The following DMXL2 variants were observed in gnomAD, a reference collection of about 807,000 sequenced individuals.
The protein encoded by DMXL2 is dmX-like protein 2.
In DMXL2, 103 loss-of-function variants were observed where a neutral mutation model predicts 331.1. That is an observed-to-expected ratio of 0.31 (90% CI 0.27 to 0.37). The LOEUF (loss-of-function observed/expected upper bound fraction) is 0.37. Ranked by LOEUF, DMXL2 falls within the 10% of genes least tolerant of loss-of-function variation. DMXL2 has a pLI of 1.00. For synonymous variants in DMXL2, 1,281 were observed against 1,252.1 expected, an observed-to-expected ratio of 1.02 and a Z score of -0.49; for missense variants, 3,171 against 3,642.9, an observed-to-expected ratio of 0.87 and a Z score of 3.33.
rs1164353967 is a variant in DMXL2 at position 51,451,710 on chromosome 15, C to T, written c.8697-13G>A. On this transcript the variant is annotated splice_polypyrimidine_tract_variant and intron_variant, in intron 41 of 43. Coordinates refer to ENST00000560891, the MANE Select transcript of DMXL2 (RefSeq NM_001378457.1). ...GAGGCAAACATTTCTTTTAAAGAAACACAATAACAAAAATACATCATAAAT... is the reference window on the plus strand; with the variant it reads ...GAGGCAAACATTTCTTTTAAAGAAATACAATAACAAAAATACATCATAAAT... 1 of 1,605,674 alleles carries T rather than the reference C, an allele frequency of 6.2e-7. No homozygotes were observed. Among genetic ancestry groups the T allele is most frequent in the African/African-American group, 1.3e-5 (1 of 74,704 alleles).
chr15:51,567,867 T>TG (rs895899456), intron 3 of DMXL2: 1 of 152,430 alleles, frequency 6.6e-6, no homozygotes, highest in Non-Finnish European at 1.5e-5. Flanking sequence ...GAGGATCACT[T>TG]AGCCCCAGAG....
At chr15:51,582,893 C>A (rs2051540000) in intron 1 of DMXL2, among the ~76,000 whole-genome samples, 1 of 151,192 alleles carries the variant, frequency 6.6e-6, no homozygotes, top group Non-Finnish European at 1.5e-5. Flanking sequence ...CCCTTCTTAC[C>A]CCTCCCCTCC....
chr15:51,511,223 C>A lies in DMXL2; in HGVS notation c.2644+3219G>T, dbSNP rs558338412. 3.7e-3 allele frequency among the ~76,000 whole-genome samples: 562 copies of A among 152,252 alleles called. 6 individuals are homozygous for A. Among genetic ancestry groups the A allele is most frequent in the African/African-American group, 0.013 (538 of 41,536 alleles). On this transcript the variant is annotated intron_variant, in intron 15 of 43. Transcript: ENST00000560891. ...CTAATTAAACTAAAGAGCTTCTGCA[C>A]AGCAAAAGAAACTATCACCAGAATA...
At chr15:51,498,213 T>C (rs2043321226) in intron 18 of DMXL2, among the ~76,000 whole-genome samples, 1 of 151,966 alleles carries the variant, frequency 6.6e-6, no homozygotes, top group Admixed American at 6.6e-5. Flanking sequence ...CAACTCCAGC[T>C]TGGGCAACAG....
intron 1 of DMXL2, among the ~76,000 whole-genome samples, chr15:51,607,620 T>C (rs1242660367): frequency 6.6e-6 from 1 of 152,182 alleles, no homozygotes; most frequent in Non-Finnish European, 1.5e-5. Context: ...TGATGAAAGA[T>C]ATTAATTTAC....
At position 51,495,086 on chromosome 15, in the gene DMXL2, C is replaced by A. The variant is rs774865945; in HGVS notation, c.4721G>T (p.Arg1574Leu). 2 of 1,613,178 alleles carry A rather than the reference C, an allele frequency of 1.2e-6. No individual in the cohort carries two copies. Among genetic ancestry groups the A allele is most frequent in the Non-Finnish European group, 1.7e-6 (2 of 1,179,380 alleles). Residue 1574 changes from arginine (R) to leucine (L), a missense_variant, in exon 19 of 44, where the codon CGC becomes CTC. By Grantham distance (102) the Arg-to-Leu change is moderately radical (BLOSUM62 -2). Coordinates refer to ENST00000560891, the MANE Select transcript of DMXL2 (RefSeq NM_001378457.1). The part of the protein sequence containing the change: ...ECGLRYLLAM[R>L]LHTCLLTSLP... The stretch of plus-strand genomic sequence containing the variant: ...CGATGTCAAAAGGCATGTGTGTAGG[C>A]GCATAGCTAACAAGTATCTCAAACC...
At chr15:51,605,373 G>T (rs1344588694) in intron 1 of DMXL2, among the ~76,000 whole-genome samples, 1 of 151,708 alleles carries the variant, frequency 6.6e-6, no homozygotes, top group Non-Finnish European at 1.5e-5. Context: ...GCTAATTTTT[G>T]TATTTTTAGT....
intron 13 of DMXL2, among the ~76,000 whole-genome samples, chr15:51,531,018 A>G (rs1739789785): frequency 6.6e-6 from 1 of 152,224 alleles, no homozygotes. Flanking sequence ...TTCTTTATAG[A>G]AATTTTTTAA....
chr15:51,589,978 T>C (rs2052166956), intron 1 of DMXL2, among the ~76,000 whole-genome samples: 1 of 152,152 alleles, frequency 6.6e-6, no homozygotes, highest in African/African-American at 2.4e-5. Context: ...ATAGAAAAAT[T>C]ATGCTTTATC....
At chr15:51,576,656 A>G (rs1399973256) in intron 1 of DMXL2, among the ~76,000 whole-genome samples, 2 of 152,206 alleles carry the variant, frequency 1.3e-5, no homozygotes, top group Non-Finnish European at 2.9e-5. Flanking sequence ...AGCTAGTTAA[A>G]TAAACATGAA....
intron 1 of DMXL2, among the ~76,000 whole-genome samples, chr15:51,599,175 A>G (rs1489924451): frequency 6.6e-6 from 1 of 152,236 alleles, no homozygotes; most frequent in Non-Finnish European, 1.5e-5. Flanking sequence ...ATGACATGCT[A>G]TGACCATTCT....
rs2041909795 is a variant in DMXL2, at chr15:51,480,226, G to A, written c.6565-87C>T. 3 of 1,288,224 alleles carry A rather than the reference G, an allele frequency of 2.3e-6. No homozygotes were observed. In the East Asian group the frequency reaches 7.1e-5, roughly 30 times the overall value. 79.8% of individuals were successfully genotyped at this position (1,288,224 alleles called of 1,614,324 possible). ...CAGAAATACTGGTGATAAACATTGT[G>A]TAAAGGGAATATGTTCGCTCACTCA... On this transcript the variant is annotated intron_variant, in intron 24 of 43. Coordinates refer to ENST00000560891, the MANE Select transcript of DMXL2 (RefSeq NM_001378457.1).
At chr15:51,502,091 G>A (rs1413690868) in intron 17 of DMXL2, among the ~76,000 whole-genome samples, 1 of 151,442 alleles carries the variant, frequency 6.6e-6, no homozygotes, top group African/African-American at 2.4e-5. Flanking sequence ...AATTAGCTGG[G>A]CATGGTGGTG....
intron 18 of DMXL2, 31 bp downstream of exon 18, chr15:51,498,521 A>T (rs771320390): frequency 6.3e-7 from 1 of 1,581,388 alleles, no homozygotes; most frequent in Non-Finnish European, 8.6e-7. Flanking sequence ...TATTAGGTAC[A>T]ACTTTATAAA....
chr15:51,453,558 A>G lies in DMXL2; in HGVS notation c.8688T>C (p.Asn2896=). The change falls in exon 41 of 44, where the codon AAT becomes AAC. Residue 2896 remains asparagine, a synonymous_variant. Coordinates refer to ENST00000560891, the MANE Select transcript of DMXL2 (RefSeq NM_001378457.1). The part of the protein sequence containing the change: ...SSLVATSGHS[N]DNRNVCLWDT... ...CTTTTCTGTCAACCTACCTATTGTC[A>G]TTGGAGTGTCCAGATGTGGCAACTA... 1.2e-6 allele frequency: 2 copies of G among 1,611,246 alleles called. No individual in the cohort carries two copies. The highest frequency in any genetic ancestry group is 1.7e-6 in the Non-Finnish European group (2 of 1,178,734).
intron 28 of DMXL2, among the ~76,000 whole-genome samples, chr15:51,473,103 A>T (rs114394923): frequency 0.011 from 1,603 of 152,304 alleles, 28 homozygotes; most frequent in African/African-American, 0.037. Flanking sequence ...CTCTGGTCTC[A>T]GATATCCACA....
At chr15:51,465,691 T>C (rs769156018) in intron 30 of DMXL2, 40 bp from the exon 31 acceptor site, 1 of 1,406,698 alleles carries the variant, frequency 7.1e-7, no homozygotes, top group Non-Finnish European at 9.8e-7. Context: ...AAGTGAAAAA[T>C]AAAATCATGG....
chr15:51,524,129 G>A (rs560356905), intron 13 of DMXL2, among the ~76,000 whole-genome samples: 2 of 152,216 alleles, frequency 1.3e-5, no homozygotes, highest in South Asian at 2.1e-4. Context: ...GAAATCATAC[G>A]GTACATTTTT....
intron 1 of DMXL2, among the ~76,000 whole-genome samples, chr15:51,590,107 G>C (rs1264704137): frequency 6.6e-6 from 1 of 152,200 alleles, no homozygotes; most frequent in East Asian, 1.9e-4. Flanking sequence ...AAACTGACTG[G>C]ATCTGGCGTT....
Sources: allele counts gnomAD v4.1 joint callset (sites outside exome capture counted in the v4.1 genomes callset), GRCh38; gene constraint gnomAD v4.1.1; transcripts MANE v1.5; gene names NCBI Gene and HGNC (gene_info 2026-07-23, HGNC 2026-07-21).